BCAS3: variants seen among roughly 807,000 people sequenced by gnomAD.
BCAS3 encodes BCAS3 microtubule associated cell migration factor, also known as BCAS4/BCAS3 fusion.
Under a neutral mutation model 116.1 loss-of-function variants are expected in BCAS3, and 53 were observed. That is an observed-to-expected ratio of 0.46 (90% confidence interval 0.37 to 0.57). The LOEUF is 0.57. BCAS3 is among the 20% of genes least tolerant of loss of function. The pLI, the probability that BCAS3 is intolerant of heterozygous loss-of-function variation, is 0.00. For synonymous variants in BCAS3, 391 were observed against 408.2 expected (o/e 0.96, Z 0.51); for missense variants, 917 against 1,165.4 (o/e 0.79, Z 3.10).
At position 61,084,651 on chromosome 17, in the gene BCAS3, T is replaced by C. The variant is rs1224685729; in HGVS notation, c.2425+87T>C. ...GCACAATGTAGAGGATGACATTTAT[T>C]TGCTTTCCTCTCTGTTTTTTTGTTT... On this transcript the variant is annotated intron_variant, in intron 22 of 23. Transcript: ENST00000407086. The surrounding 1 kb of genome is among the most constrained non-coding windows in gnomAD (Gnocchi z 5.5). 8.9e-7 allele frequency: 1 copy of C among 1,122,874 alleles called. No individual in the cohort carries two copies. Among genetic ancestry groups the C allele is most frequent in the Non-Finnish European group, 1.3e-6 (1 of 757,672 alleles). The allele number at this position is 1,122,874 out of a possible 1,614,324, so 69.6% of individuals were successfully genotyped here.
At chr17:61,064,431 G>C (rs920544372) in intron 19 of BCAS3, among the ~76,000 whole-genome samples, 5 of 152,122 alleles carry the variant, frequency 3.3e-5, no homozygotes, top group African/African-American at 1.2e-4. Flanking sequence ...GATATTTAGG[G>C]CCACTAAGAA....
At chr17:60,985,519 A>T (rs1474051639) in intron 14 of BCAS3, among the ~76,000 whole-genome samples, 1 of 152,144 alleles carries the variant, frequency 6.6e-6, no homozygotes, top group Admixed American at 6.6e-5. Context: ...TTATTGTGCT[A>T]TCAAATAGTA....
intron 22 of BCAS3, among the ~76,000 whole-genome samples, chr17:61,230,061 G>T (rs2082580397): frequency 6.6e-6 from 1 of 151,976 alleles, no homozygotes; most frequent in African/African-American, 2.4e-5. Context: ...GGAGGCCGAG[G>T]TTGCAGTGAG....
At chr17:60,844,489 A>T (rs9910176) in intron 7 of BCAS3, among the ~76,000 whole-genome samples, 1 of 152,078 alleles carries the variant, frequency 6.6e-6, no homozygotes, top group Non-Finnish European at 1.5e-5. Context: ...GTATAGTTGT[A>T]TAAAAAAACT....
At chr17:60,770,235 G>A (rs2044527474) in intron 6 of BCAS3, among the ~76,000 whole-genome samples, 1 of 151,894 alleles carries the variant, frequency 6.6e-6, no homozygotes, top group Admixed American at 6.6e-5. Flanking sequence ...CGTGTAATTA[G>A]GATCATGAAA....
Position 61,339,522 on chromosome 17 carries a change from T to C in BCAS3, c.2426-28805T>C, listed in dbSNP as rs981597998. 6.6e-6 allele frequency among the ~76,000 whole-genome samples: 1 copy of C among 152,004 alleles called. No homozygotes were observed. The highest frequency in any genetic ancestry group is 1.9e-4 in the East Asian group (1 of 5,184). On this transcript the variant is annotated intron_variant, in intron 22 of 23. Transcript: ENST00000407086. The surrounding 1 kb of genome is among the most constrained non-coding windows in gnomAD (Gnocchi z 4.4). ...TGGCTCAAGCCTGTAATCCCAGCAG[T>C]TGGGAGGCCAAGGTGAGCAGATCAC...
At chr17:60,746,999 TAC>T (rs1414335817) in intron 5 of BCAS3, among the ~76,000 whole-genome samples, 197 bp from the exon 6 acceptor site, 11 of 152,206 alleles carry the variant, frequency 7.2e-5, no homozygotes, top group African/African-American at 2.4e-4. Context: ...TGTGTGCTCT[TAC>T]AGTTTTCTAA....
At chr17:61,252,169 C>A (rs1367668600) in intron 22 of BCAS3, among the ~76,000 whole-genome samples, 1 of 152,102 alleles carries the variant, frequency 6.6e-6, no homozygotes, top group Non-Finnish European at 1.5e-5. Flanking sequence ...ACATTAATAA[C>A]GTTTTGTTTA....
At chr17:60,792,070 C>T (rs907779280) in intron 6 of BCAS3, among the ~76,000 whole-genome samples, 2 of 152,180 alleles carry the variant, frequency 1.3e-5, no homozygotes, top group Non-Finnish European at 2.9e-5. Flanking sequence ...TTGCAGTGAG[C>T]CGAGATCGTG....
At chr17:61,272,920 G>A (rs372006388) in intron 22 of BCAS3, among the ~76,000 whole-genome samples, 1 of 151,934 alleles carries the variant, frequency 6.6e-6, no homozygotes, top group East Asian at 1.9e-4. Flanking sequence ...TTCTGCATTA[G>A]ATCTCCTATG....
chr17:61,172,951 G>A (rs893221567), intron 22 of BCAS3, among the ~76,000 whole-genome samples: 1 of 151,756 alleles, frequency 6.6e-6, no homozygotes, highest in Non-Finnish European at 1.5e-5. Context: ...TGACGCCACT[G>A]CACTCCAGCC....
chr17:60,933,317 A>G (rs1022471121), intron 13 of BCAS3, among the ~76,000 whole-genome samples: 2 of 152,264 alleles, frequency 1.3e-5, no homozygotes, highest in Admixed American at 1.3e-4. Flanking sequence ...AATTCTGTGC[A>G]ATAAGCCTGA....
At chr17:60,914,963 A>T (rs909959230) in intron 12 of BCAS3, among the ~76,000 whole-genome samples, 1 of 152,166 alleles carries the variant, frequency 6.6e-6, no homozygotes, top group Non-Finnish European at 1.5e-5. Flanking sequence ...TGTAAACATG[A>T]GTTGTTCAGA....
intron 22 of BCAS3, among the ~76,000 whole-genome samples, chr17:61,147,178 G>A (rs553255728): frequency 1.3e-5 from 2 of 152,168 alleles, no homozygotes; most frequent in African/African-American, 4.8e-5. Context: ...AGGTTCAAGC[G>A]ATTCTCGTGC....
chr17:61,173,940 A>G (rs550087908), intron 22 of BCAS3, among the ~76,000 whole-genome samples: 1 of 152,338 alleles, frequency 6.6e-6, no homozygotes, highest in Admixed American at 6.5e-5. Flanking sequence ...AAATAAAAAC[A>G]GAAAAACAAA....
At position 61,348,567 on chromosome 17, in the gene BCAS3, G is replaced by A. The variant is rs546897211; in HGVS notation, c.2426-19760G>A. 6.6e-5 allele frequency among the ~76,000 whole-genome samples: 10 copies of A among 152,212 alleles called. No homozygotes were observed. The East Asian group carries it at 1.5e-3, about 24-fold the overall frequency. On this transcript the variant is annotated intron_variant, in intron 22 of 23. Coordinates refer to ENST00000407086, the MANE Select transcript of BCAS3 (RefSeq NM_017679.5). This position sits in a 1 kb window ranked among gnomAD's most constrained non-coding sequence, Gnocchi z 4.5. The stretch of plus-strand genomic sequence containing the variant: ...GAGAATAAAGCGAGGCCTTGGGAGA[G>A]ACTTGGGAGCGGTCAGAGAGGGAAG...
intron 9 of BCAS3, among the ~76,000 whole-genome samples, chr17:60,878,594 G>C (rs776565789): frequency 6.6e-6 from 1 of 152,124 alleles, no homozygotes; most frequent in Non-Finnish European, 1.5e-5. Flanking sequence ...TCATACTCTG[G>C]ATACAGTTTG....
intron 22 of BCAS3, among the ~76,000 whole-genome samples, chr17:61,322,834 G>GAGAGAGAGAGAC (rs2055384336): frequency 7.6e-6 from 1 of 131,794 alleles, no homozygotes; most frequent in African/African-American, 3.4e-5. Flanking sequence ...GAGAGACAGA[G>GAGAGAGAGAGAC]AGAGAGAGAG....
intron 22 of BCAS3, among the ~76,000 whole-genome samples, chr17:61,100,156 C>T (rs923371969): frequency 7.2e-5 from 11 of 152,162 alleles, no homozygotes; most frequent in African/African-American, 2.7e-4. Context: ...AGTTGAACTC[C>T]CCAGTCAGTT....
Sources: allele counts gnomAD v4.1 joint callset (sites outside exome capture counted in the v4.1 genomes callset), GRCh38; gene constraint gnomAD v4.1.1; non-coding constraint Gnocchi (gnomAD v3.1); transcripts MANE v1.5; gene names NCBI Gene and HGNC (gene_info 2026-07-23, HGNC 2026-07-21).